The following SNX29 variants were observed in gnomAD, a reference collection of about 807,000 sequenced individuals.
The protein encoded by SNX29 is sorting nexin 29.
In SNX29, 78 loss-of-function variants were observed where a neutral mutation model predicts 102.1. That is an observed-to-expected ratio of 0.76 (90% CI 0.64 to 0.92). The LOEUF is 0.92. Among genes scored for constraint, SNX29 ranks in the 40% least tolerant of loss-of-function variants. The pLI is 0.00. For synonymous variants in SNX29, 580 were observed against 414.5 expected, an observed-to-expected ratio of 1.40 and a Z score of -4.85; for missense variants, 1,280 against 1,061.7, an observed-to-expected ratio of 1.21 and a Z score of -2.86.
At chr16:12,317,993 C>G (rs1475365601) in intron 15 of SNX29, among the ~76,000 whole-genome samples, 2 of 152,250 alleles carry the variant, frequency 1.3e-5, no homozygotes, top group Non-Finnish European at 2.9e-5. Context: ...ACAGCCTTGG[C>G]TGAGGCGGTG....
At chr16:12,382,731 C>T (rs1273293556) in intron 16 of SNX29, among the ~76,000 whole-genome samples, 1 of 152,282 alleles carries the variant, frequency 6.6e-6, no homozygotes, top group South Asian at 2.1e-4. Flanking sequence ...CCTGGAGGCT[C>T]TAGGGGAAGA....
chr16:12,223,418 T>C (rs1041161784), intron 14 of SNX29, among the ~76,000 whole-genome samples: 6 of 152,090 alleles, frequency 3.9e-5, no homozygotes, highest in African/African-American at 9.7e-5. Context: ...TCCCAGCACT[T>C]TGGGAGGCTG....
intron 20 of SNX29, chr16:12,527,416 T>C: frequency 2.3e-6 from 1 of 442,776 alleles, no homozygotes; most frequent in Non-Finnish European, 4.3e-6. Context: ...GCATAATTAT[T>C]CTTATAAATT....
rs528407389 is a variant in SNX29, at chr16:12,489,210, C to A, written c.2178+11351C>A. On this transcript the variant is annotated intron_variant, in intron 19 of 20. Coordinates refer to ENST00000566228, the MANE Select transcript of SNX29 (RefSeq NM_032167.5). ...CAGTATTCTCATTAATATTTGAGAACTTCAAACGGCAGAAAAACACAAAAA... is the reference window on the plus strand; with the variant it reads ...CAGTATTCTCATTAATATTTGAGAAATTCAAACGGCAGAAAAACACAAAAA... Among the ~76,000 whole-genome samples, 255 of 152,052 alleles carry A rather than the reference C, an allele frequency of 1.7e-3. 2 individuals are homozygous for A. The highest frequency in any genetic ancestry group is 6.8e-3 in the Middle Eastern group (2 of 294).
At chr16:12,248,692 G>T (rs538393656) in intron 14 of SNX29, among the ~76,000 whole-genome samples, 1 of 152,070 alleles carries the variant, frequency 6.6e-6, no homozygotes, top group South Asian at 2.1e-4. Flanking sequence ...TGGGATTACA[G>T]GCATGAGCCA....
intron 20 of SNX29, among the ~76,000 whole-genome samples, chr16:12,536,422 G>C (rs1411976924): frequency 6.6e-6 from 1 of 152,006 alleles, no homozygotes; most frequent in Non-Finnish European, 1.5e-5. Context: ...CATCAGTAAG[G>C]AGGGCGGCAG....
intron 20 of SNX29, among the ~76,000 whole-genome samples, chr16:12,544,226 C>T (rs1202252463): frequency 6.6e-6 from 1 of 152,202 alleles, no homozygotes; most frequent in East Asian, 1.9e-4. Flanking sequence ...CGGTTCCTCA[C>T]CACACCAAGA....
At chr16:12,513,462 C>A (rs933839956) in intron 19 of SNX29, among the ~76,000 whole-genome samples, 2 of 152,032 alleles carry the variant, frequency 1.3e-5, no homozygotes, top group Non-Finnish European at 2.9e-5. Context: ...CCTCTGCTCT[C>A]TCCTTCCCTT....
At chr16:12,023,427 A>AAT (rs2057089401) in intron 3 of SNX29, among the ~76,000 whole-genome samples, 1 of 135,028 alleles carries the variant, frequency 7.4e-6, no homozygotes, top group African/African-American at 2.8e-5. Context: ...AAAAAAAAAA[A>AAT]AGTAGCTGCG....
Position 12,418,577 on chromosome 16 carries a change from C to T in SNX29, c.2037+15048C>T, listed in dbSNP as rs530301672. 2.3e-4 allele frequency among the ~76,000 whole-genome samples: 35 copies of T among 151,792 alleles called. No homozygotes were observed. The East Asian group carries it at 4.1e-3, about 18-fold the overall frequency. On this transcript the variant is annotated intron_variant, in intron 18 of 20. Coordinates refer to ENST00000566228, the MANE Select transcript of SNX29 (RefSeq NM_032167.5). ...TTGTCCAGGCTGGAGTGCGGTGGCA[C>T]GATCTTGGCTCACTGCAACCTCCAC...
chr16:12,005,570 C>T (rs539919787), intron 3 of SNX29, among the ~76,000 whole-genome samples: 3 of 152,012 alleles, frequency 2.0e-5, no homozygotes, highest in South Asian at 2.1e-4. Flanking sequence ...GTGTGTGTGC[C>T]GTGTGTGTGT....
At chr16:12,007,263 G>T (rs1305941412) in intron 3 of SNX29, among the ~76,000 whole-genome samples, 1 of 152,202 alleles carries the variant, frequency 6.6e-6, no homozygotes, top group Non-Finnish European at 1.5e-5. Context: ...CCAGCCTTTT[G>T]GGAGGCTGAG....
intron 18 of SNX29, among the ~76,000 whole-genome samples, chr16:12,464,886 C>A (rs1011230363): frequency 6.6e-6 from 1 of 152,188 alleles, no homozygotes; most frequent in African/African-American, 2.4e-5. Flanking sequence ...ACAAGAGTTT[C>A]CTTTTCTCGA....
chr16:12,448,334 GA>G (rs1160978815), intron 18 of SNX29, among the ~76,000 whole-genome samples: 1 of 152,196 alleles, frequency 6.6e-6, no homozygotes, highest in African/African-American at 2.4e-5. Flanking sequence ...GGATGGTGGT[GA>G]TGGTGACAGA....
rs565165228 is a variant in SNX29, at chr16:12,098,677, C to T, written c.1402+19762C>T. Among the ~76,000 whole-genome samples, 19 of 152,308 alleles carry T rather than the reference C, an allele frequency of 1.2e-4. No homozygotes were observed. The highest frequency in any genetic ancestry group is 2.4e-4 in the African/African-American group (10 of 41,566). Reference sequence around the variant, plus strand: ...TTCATCCTGTAAGACACAGCTTAGGCGTCACCTCCTCCAGACAGACAGACA... The same window carrying T: ...TTCATCCTGTAAGACACAGCTTAGGTGTCACCTCCTCCAGACAGACAGACA... On this transcript the variant is annotated intron_variant, in intron 11 of 20. Coordinates refer to ENST00000566228, the MANE Select transcript of SNX29 (RefSeq NM_032167.5). This position sits in a 1 kb window ranked among gnomAD's most constrained non-coding sequence, Gnocchi z 6.0.
chr16:12,543,228 G>A (rs1435564848), intron 20 of SNX29, among the ~76,000 whole-genome samples: 3 of 152,236 alleles, frequency 2.0e-5, no homozygotes, highest in Non-Finnish European at 4.4e-5. Context: ...AGCTGTAGCG[G>A]AAATTCTAGA....
chr16:12,355,885 A>G (rs1040656770), intron 15 of SNX29, among the ~76,000 whole-genome samples: 5 of 144,762 alleles, frequency 3.5e-5, no homozygotes, highest in Admixed American at 1.4e-4. Context: ...AAGAGAGAGG[A>G]AAAAAAAAGC....
intron 18 of SNX29, among the ~76,000 whole-genome samples, chr16:12,419,343 A>G (rs1345452078): frequency 2.6e-5 from 4 of 152,066 alleles, no homozygotes; most frequent in Non-Finnish European, 5.9e-5. Context: ...GTTCCTATTT[A>G]AGGCAGGGCT....
chr16:12,537,105 C>T (rs940007127), intron 20 of SNX29, among the ~76,000 whole-genome samples: 9 of 152,284 alleles, frequency 5.9e-5, no homozygotes, highest in African/African-American at 2.2e-4. Context: ...ACGGTCAGTC[C>T]CTTTCCTCCC....
Sources: allele counts gnomAD v4.1 joint callset (sites outside exome capture counted in the v4.1 genomes callset), GRCh38; gene constraint gnomAD v4.1.1; non-coding constraint Gnocchi (gnomAD v3.1); transcripts MANE v1.5; gene names NCBI Gene and HGNC (gene_info 2026-07-23, HGNC 2026-07-21).